Variants in PTPRD observed in about 807,000 individuals in gnomAD.
The protein encoded by PTPRD is receptor-type tyrosine-protein phosphatase delta.
In PTPRD, 34 loss-of-function variants were observed where a neutral mutation model predicts 214.5. The observed-to-expected ratio is 0.16, with a 90% confidence interval of 0.12 to 0.21. The LOEUF is 0.21. Ranked by LOEUF, PTPRD falls within the 10% of genes least tolerant of loss-of-function variation. The pLI, the probability that PTPRD is intolerant of heterozygous loss-of-function variation, is 1.00. For missense variants in PTPRD, 2,545 were observed against 2,398.7 expected (o/e 1.06, Z -1.27); for synonymous variants, 1,128 against 845.7 (o/e 1.33, Z -5.79).
At chr9:9,148,146 AC>A (rs1247823437) in intron 10 of PTPRD, among the ~76,000 whole-genome samples, 1 of 152,188 alleles carries the variant, frequency 6.6e-6, no homozygotes, top group Non-Finnish European at 1.5e-5. Flanking sequence ...ACTGGTGACT[AC>A]CCTTTGTTTC....
chr9:8,600,898 G>A (rs556937740), intron 14 of PTPRD, among the ~76,000 whole-genome samples: 1 of 152,110 alleles, frequency 6.6e-6, no homozygotes, highest in Admixed American at 6.5e-5. Context: ...AAATAAAAAA[G>A]AAACTTTGTC....
chr9:9,684,790 G>A (rs1564530851), intron 7 of PTPRD, among the ~76,000 whole-genome samples: 3 of 151,408 alleles, frequency 2.0e-5, no homozygotes, highest in Non-Finnish European at 4.4e-5. Context: ...GAAGTTTGCG[G>A]TCTTTAGAGC....
At chr9:9,155,956 A>T (rs1048570373) in intron 10 of PTPRD, among the ~76,000 whole-genome samples, 1 of 152,130 alleles carries the variant, frequency 6.6e-6, no homozygotes, top group African/African-American at 2.4e-5. Flanking sequence ...GAGACTTCAG[A>T]ATTACTACTC....
chr9:9,855,159 C>G (rs2061310581), intron 5 of PTPRD, among the ~76,000 whole-genome samples: 1 of 152,152 alleles, frequency 6.6e-6, no homozygotes, highest in African/African-American at 2.4e-5. Context: ...TCAAGGTAGC[C>G]TTTCTTCTTT....
chr9:10,294,714 T>C (rs188501598), intron 3 of PTPRD, among the ~76,000 whole-genome samples: 33 of 152,084 alleles, frequency 2.2e-4, no homozygotes, highest in African/African-American at 7.9e-4. Context: ...AGAGGTAAAT[T>C]ATGTAGCTAG....
intron 14 of PTPRD, among the ~76,000 whole-genome samples, chr9:8,563,090 G>C (rs373554078): frequency 9.2e-5 from 14 of 152,256 alleles, no homozygotes; most frequent in African/African-American, 3.4e-4. Flanking sequence ...AACAACATGA[G>C]TGAATATAGA....
At position 8,819,277 on chromosome 9, in the gene PTPRD, G is replaced by A. The variant is rs554042201; in HGVS notation, c.-103-85331C>T. On this transcript the variant is annotated intron_variant, in intron 11 of 45. Transcript: ENST00000381196. ...AATAAAACATATAAACTATATAAAA[G>A]CTCATTCTAATACAACATATGTGAG... 1.4e-4 allele frequency among the ~76,000 whole-genome samples: 21 copies of A among 152,088 alleles called. 2 individuals are homozygous for A. Among genetic ancestry groups the A allele is most frequent in the African/African-American group, 4.6e-4 (19 of 41,496 alleles).
At chr9:8,622,703 T>A (rs774250259) in intron 14 of PTPRD, among the ~76,000 whole-genome samples, 7 of 151,940 alleles carry the variant, frequency 4.6e-5, no homozygotes, top group Non-Finnish European at 5.9e-5. Context: ...AAATTGCTTC[T>A]CATATATTGT....
At chr9:9,128,744 G>T (rs2099838005) in intron 10 of PTPRD, among the ~76,000 whole-genome samples, 1 of 152,214 alleles carries the variant, frequency 6.6e-6, no homozygotes, top group Admixed American at 6.5e-5. Flanking sequence ...TAGGTTTCGT[G>T]TAAAAGACTA....
chr9:9,370,892 C>A (rs1180751796), intron 9 of PTPRD, among the ~76,000 whole-genome samples: 1 of 152,006 alleles, frequency 6.6e-6, no homozygotes, highest in Admixed American at 6.6e-5. Flanking sequence ...GTCTTTGGTT[C>A]TGTTTATATG....
At chr9:10,073,998 G>C (rs1249952418) in intron 3 of PTPRD, among the ~76,000 whole-genome samples, 1 of 152,124 alleles carries the variant, frequency 6.6e-6, no homozygotes, top group Non-Finnish European at 1.5e-5. Flanking sequence ...AAGAGGTAAA[G>C]TGCACATAAA....
At chr9:10,515,176 C>G (rs184571440) in intron 2 of PTPRD, among the ~76,000 whole-genome samples, 1 of 152,142 alleles carries the variant, frequency 6.6e-6, no homozygotes, top group Non-Finnish European at 1.5e-5. Flanking sequence ...TCTAACACAG[C>G]ACCAAACACA....
intron 9 of PTPRD, among the ~76,000 whole-genome samples, chr9:9,278,788 A>C (rs891599846): frequency 1.3e-5 from 2 of 151,390 alleles, no homozygotes; most frequent in Admixed American, 6.6e-5. Flanking sequence ...GTGAGGATTA[A>C]ATATCTGCCT....
intron 9 of PTPRD, among the ~76,000 whole-genome samples, chr9:9,246,396 A>G (rs1594472268): frequency 1.3e-5 from 2 of 152,080 alleles, no homozygotes; most frequent in Admixed American, 6.6e-5. Context: ...TAGCTTATAC[A>G]TACACAAACT....
chr9:9,490,250 A>G (rs2095841861), intron 8 of PTPRD, among the ~76,000 whole-genome samples: 1 of 152,124 alleles, frequency 6.6e-6, no homozygotes, highest in Admixed American at 6.6e-5. Context: ...CTGCAAAAAA[A>G]GCTCAAGGGA....
rs978598061 is a variant in PTPRD, at chr9:8,796,387, T to C, written c.-103-62441A>G. ...GACCTTTACCATTAATACAAAATGT[T>C]CTTCAGTAGGCTGACACTGGGATGT... On this transcript the variant is annotated intron_variant, in intron 11 of 45. Coordinates refer to ENST00000381196, the MANE Select transcript of PTPRD (RefSeq NM_002839.4). Among the ~76,000 whole-genome samples the C allele has an allele frequency of 4.6e-5, 7 of 152,170 alleles. No homozygotes were observed. The South Asian group carries it at 1.5e-3, about 32-fold the overall frequency.
At chr9:9,632,238 A>G (rs2095617893) in intron 7 of PTPRD, among the ~76,000 whole-genome samples, 1 of 152,244 alleles carries the variant, frequency 6.6e-6, no homozygotes, top group East Asian at 1.9e-4. Flanking sequence ...AAGTATGAAT[A>G]CAGTCCATGT....
chr9:10,437,225 C>G (rs960675239), intron 2 of PTPRD, among the ~76,000 whole-genome samples: 2 of 151,660 alleles, frequency 1.3e-5, no homozygotes, highest in African/African-American at 2.4e-5. Context: ...CATAGATAGC[C>G]AATATCTTTT....
intron 4 of PTPRD, among the ~76,000 whole-genome samples, chr9:10,020,552 A>T (rs1288426326): frequency 1.1e-5 from 1 of 92,544 alleles, no homozygotes; most frequent in African/African-American, 4.4e-5. Flanking sequence ...CCTTTTTCAC[A>T]TTTATTATGC....
Sources: allele counts gnomAD v4.1 joint callset (sites outside exome capture counted in the v4.1 genomes callset), GRCh38; gene constraint gnomAD v4.1.1; transcripts MANE v1.5; gene names NCBI Gene and HGNC (gene_info 2026-07-23, HGNC 2026-07-21).